The following PPAT variants were observed in gnomAD, a reference collection of about 807,000 sequenced individuals.
PPAT encodes amidophosphoribosyltransferase.
Under a neutral mutation model 60.2 loss-of-function variants are expected in PPAT, and 20 were observed. The observed-to-expected ratio is 0.33, with a 90% CI of 0.23 to 0.48. The LOEUF is 0.48. Ranked by LOEUF, PPAT falls within the 20% of genes least tolerant of loss-of-function variation. PPAT has a pLI of 0.99. For synonymous variants in PPAT, 194 were observed against 215.1 expected, an observed-to-expected ratio of 0.90 and a Z score of 0.86; for missense variants, 349 against 629.6, an observed-to-expected ratio of 0.55 and a Z score of 4.77.
chr4:56,411,699 T>C (rs1006152478), intron 1 of PPAT, among the ~76,000 whole-genome samples: 3 of 152,192 alleles, frequency 2.0e-5, no homozygotes, highest in South Asian at 2.1e-4. Flanking sequence ...GTGTGTACCA[T>C]GGGCAAAGCA....
chr4:56,417,835 G>GTTTTTTTTTTTTTTTTTTTTTT (rs1207160039), intron 1 of PPAT, among the ~76,000 whole-genome samples: 20 of 102,518 alleles, frequency 2.0e-4, no homozygotes, highest in African/African-American at 7.0e-4. Context: ...TGAAGATTTG[G>GTTTTTTTTTTTTTTTTTTTTTT]TTTTTTGTTT....
chr4:56,432,353 C>A (rs1717630042), intron 1 of PPAT, among the ~76,000 whole-genome samples: 1 of 151,982 alleles, frequency 6.6e-6, no homozygotes, highest in African/African-American at 2.4e-5. Context: ...CATGGTGAAA[C>A]CCCGTCTCTG....
intron 1 of PPAT, among the ~76,000 whole-genome samples, chr4:56,409,178 A>G (rs897315303): frequency 6.6e-6 from 1 of 152,100 alleles, no homozygotes; most frequent in Non-Finnish European, 1.5e-5. Flanking sequence ...TACCATGCCC[A>G]TTTTACAGAT....
At chr4:56,427,906 G>A (rs548689511) in intron 1 of PPAT, among the ~76,000 whole-genome samples, 1 of 152,206 alleles carries the variant, frequency 6.6e-6, no homozygotes, top group South Asian at 2.1e-4. Context: ...CCTTATACCT[G>A]AGTTGGTAGA....
At chr4:56,433,699 G>T (rs1054813253) in intron 1 of PPAT, among the ~76,000 whole-genome samples, 3 of 141,452 alleles carry the variant, frequency 2.1e-5, no homozygotes, top group Admixed American at 1.5e-4. Context: ...AATAACAACT[G>T]TTTTTTTTTT....
chr4:56,403,023 C>T lies in PPAT; in HGVS notation c.661+17G>A, dbSNP rs1161914260. The T allele has an allele frequency of 1.3e-6, 2 of 1,578,920 alleles. No individual in the cohort carries two copies. Among genetic ancestry groups the T allele is most frequent in the Non-Finnish European group, 1.7e-6 (2 of 1,164,054 alleles). On this transcript the variant is annotated intron_variant, in intron 5 of 10. Transcript: ENST00000264220. ...GGAAAAACACTATGAAATGATATTCCTTCTAAAGTTTATTACCTTTGTCAT... is the reference window on the plus strand; with the variant it reads ...GGAAAAACACTATGAAATGATATTCTTTCTAAAGTTTATTACCTTTGTCAT...
At chr4:56,434,026 C>G (rs1208303609) in intron 1 of PPAT, among the ~76,000 whole-genome samples, 1 of 152,174 alleles carries the variant, frequency 6.6e-6, no homozygotes, top group East Asian at 1.9e-4. Context: ...ATGTTGCTCA[C>G]AACTACCACA....
At chr4:56,404,018 C>T (rs1255819819) in intron 3 of PPAT, 1 of 449,194 alleles carries the variant, frequency 2.2e-6, no homozygotes, top group Admixed American at 2.4e-5. Context: ...CCTAACAAGC[C>T]ACAGACTGGT....
intron 1 of PPAT, among the ~76,000 whole-genome samples, chr4:56,434,766 G>C (rs1324046453): frequency 6.6e-6 from 1 of 152,186 alleles, no homozygotes; most frequent in East Asian, 1.9e-4. Flanking sequence ...ACTACCAGTA[G>C]TCATTCTCAA....
chr4:56,417,615 TA>T (rs1196299807), intron 1 of PPAT, among the ~76,000 whole-genome samples: 2 of 151,918 alleles, frequency 1.3e-5, no homozygotes, highest in South Asian at 2.1e-4. Flanking sequence ...ACCCCATGCC[TA>T]AAAAAATTAT....
At chr4:56,422,619 T>G (rs1040749559) in intron 1 of PPAT, 22 of 152,194 alleles carry the variant, frequency 1.4e-4, no homozygotes, top group Admixed American at 1.4e-3. Context: ...CCCAATGTGA[T>G]GTATTTGGAG....
rs73157715 is a variant in PPAT, at chr4:56,410,768, A to G, written c.129-3052T>C. The G allele has an allele frequency of 1.6e-4, 159 of 987,452 alleles. No individual in the cohort carries two copies. In the African/African-American group the frequency reaches 2.7e-3, roughly 17 times the overall value. 61.2% of individuals were successfully genotyped at this position (987,452 alleles called of 1,614,324 possible). A position where few individuals can be genotyped will look rare whatever the true frequency, so the allele number is the denominator to read the frequency against. The stretch of plus-strand genomic sequence containing the variant: ...CCATAACTCTGGAGACAGCTCTAAA[A>G]CTATGAAGTTCTTCCATGATTTGGA... On this transcript the variant is annotated intron_variant, in intron 1 of 10. Coordinates refer to ENST00000264220, the MANE Select transcript of PPAT (RefSeq NM_002703.5).
chr4:56,399,519 T>G, intron 8 of PPAT, 119 bp from the exon 9 acceptor site: 1 of 867,498 alleles, frequency 1.2e-6, no homozygotes, highest in Non-Finnish European at 1.7e-6. Flanking sequence ...TTTCCTTTAT[T>G]ATTTGGAAAA....
chr4:56,403,521 C>T, intron 3 of PPAT, 120 bp from the exon 4 acceptor site: 4 of 735,456 alleles, frequency 5.4e-6, no homozygotes, highest in Non-Finnish European at 6.6e-6. Flanking sequence ...AAAAATCCTG[C>T]ATCCCACTAA....
chr4:56,419,873 A>G, intron 1 of PPAT: 1 of 984,576 alleles, frequency 1.0e-6, no homozygotes, highest in Non-Finnish European at 1.2e-6. Flanking sequence ...TAAAACACGA[A>G]TACAAGATCG....
chr4:56,398,495 C>CT (rs200269089), intron 9 of PPAT, among the ~76,000 whole-genome samples: 7,138 of 146,426 alleles, frequency 0.049, 217 homozygotes, highest in Admixed American at 0.096. Flanking sequence ...GTGTTTTTGA[C>CT]TTTTTTTTTT....
At chr4:56,435,133 G>A (rs1307117481) in intron 1 of PPAT, among the ~76,000 whole-genome samples, 1 of 152,188 alleles carries the variant, frequency 6.6e-6, no homozygotes, top group African/African-American at 2.4e-5. Flanking sequence ...AAAGGCATAA[G>A]TGGCTGGGAG....
chr4:56,427,115 G>C (rs1560649860), intron 1 of PPAT, among the ~76,000 whole-genome samples: 1 of 152,098 alleles, frequency 6.6e-6, no homozygotes, highest in Non-Finnish European at 1.5e-5. Context: ...ACACCATTTT[G>C]TTTATTCATC....
chr4:56,406,430 CT>C, intron 3 of PPAT, 64 bp downstream of exon 3: 1 of 1,517,402 alleles, frequency 6.6e-7, no homozygotes, highest in Non-Finnish European at 9.1e-7. Flanking sequence ...AGATCCTTAA[CT>C]TTTATTCATT....
Sources: gnomAD v4.1 joint callset for allele counts (sites outside exome capture counted in the v4.1 genomes callset) on GRCh38, gnomAD v4.1.1 for gene constraint, MANE v1.5 for transcripts, NCBI Gene and HGNC (gene_info 2026-07-23, HGNC 2026-07-21) for gene names.